Variants in RARB observed in about 807,000 individuals in gnomAD.
RARB encodes HBV-activated protein.
Under a neutral mutation model 51.9 loss-of-function variants are expected in RARB, and 17 were observed. The observed-to-expected ratio is 0.33, with a 90% CI of 0.22 to 0.49. RARB has a LOEUF of 0.49. Ranked by LOEUF, RARB falls within the 20% of genes least tolerant of loss-of-function variation. RARB has a pLI of 0.99. For synonymous variants in RARB, 215 were observed against 195.4 expected, an observed-to-expected ratio of 1.10 and a Z score of -0.84; for missense variants, 369 against 550.8, an observed-to-expected ratio of 0.67 and a Z score of 3.30.
intron 5 of RARB, among the ~76,000 whole-genome samples, chr3:25,327,953 A>G (rs2125443274): frequency 6.6e-6 from 1 of 152,376 alleles, no homozygotes; most frequent in Non-Finnish European, 1.5e-5. Context: ...GTGAGAAATA[A>G]AACAAAGTAC....
chr3:25,150,896 G>A (rs776737786), intron 4 of RARB, among the ~76,000 whole-genome samples: 15 of 152,176 alleles, frequency 9.9e-5, no homozygotes, highest in Non-Finnish European at 2.1e-4. Context: ...TGTACAAACT[G>A]AATATCCACT....
chr3:24,844,503 G>A (rs554924443), intron 1 of RARB, among the ~76,000 whole-genome samples: 3 of 152,222 alleles, frequency 2.0e-5, no homozygotes, highest in African/African-American at 4.8e-5. Flanking sequence ...GCTGGCATAC[G>A]ATGTGACTGC....
chr3:25,450,413 G>C (rs1215716715), intron 1 of RARB, among the ~76,000 whole-genome samples: 1 of 152,108 alleles, frequency 6.6e-6, no homozygotes, highest in South Asian at 2.1e-4. Context: ...TTTTTCTGAG[G>C]ATCAGGAAGG....
At chr3:25,343,680 A>G (rs1705300767) in intron 5 of RARB, among the ~76,000 whole-genome samples, 2 of 152,158 alleles carry the variant, frequency 1.3e-5, no homozygotes, top group Admixed American at 6.5e-5. Context: ...TGTATGTTGT[A>G]TCTTTCTAAG....
chr3:25,525,553 G>C (rs1010909173), intron 3 of RARB, among the ~76,000 whole-genome samples: 1 of 152,024 alleles, frequency 6.6e-6, no homozygotes, highest in Admixed American at 6.5e-5. Flanking sequence ...TTACTATGTA[G>C]ACTTTCAACA....
At chr3:24,917,803 A>T (rs1695137184) in intron 2 of RARB, among the ~76,000 whole-genome samples, 1 of 152,232 alleles carries the variant, frequency 6.6e-6, no homozygotes, top group Non-Finnish European at 1.5e-5. Context: ...CTGGGCTTAC[A>T]GGCGTGAGCC....
chr3:25,587,889 A>C (rs1701462581), intron 5 of RARB, among the ~76,000 whole-genome samples: 1 of 152,244 alleles, frequency 6.6e-6, no homozygotes. Context: ...TTTGCCTGAA[A>C]ACTGGGCAAC....
At chr3:25,066,313 G>T (rs1427995849) in intron 3 of RARB, among the ~76,000 whole-genome samples, 2 of 152,148 alleles carry the variant, frequency 1.3e-5, no homozygotes, top group Non-Finnish European at 2.9e-5. Flanking sequence ...GTACTCATCA[G>T]GAAAGATTGT....
intron 2 of RARB, among the ~76,000 whole-genome samples, chr3:25,498,437 G>T (rs1403957523): frequency 1.3e-5 from 2 of 152,144 alleles, no homozygotes; most frequent in Non-Finnish European, 2.9e-5. Flanking sequence ...ATACCTCATA[G>T]CATATATTTT....
upstream of RARB, among the ~76,000 whole-genome samples, chr3:25,424,843 G>A (rs1177173367): frequency 6.6e-6 from 1 of 152,188 alleles, no homozygotes; most frequent in East Asian, 1.9e-4. Flanking sequence ...GATTCATGGT[G>A]TTTCTTTCTG....
intron 2 of RARB, among the ~76,000 whole-genome samples, chr3:24,886,481 A>G (rs900583534): frequency 2.0e-5 from 3 of 147,282 alleles, no homozygotes; most frequent in East Asian, 2.0e-4. Context: ...ATCTTGCTCT[A>G]TCACCTGGGA....
At chr3:24,925,421 T>C (rs1695298022) in intron 2 of RARB, among the ~76,000 whole-genome samples, 1 of 151,862 alleles carries the variant, frequency 6.6e-6, no homozygotes, top group Non-Finnish European at 1.5e-5. Flanking sequence ...ATATGGAGGG[T>C]TGCATGAGCT....
At chr3:24,960,329 C>A (rs184230747) in intron 2 of RARB, among the ~76,000 whole-genome samples, 220 of 152,232 alleles carry the variant, frequency 1.4e-3, no homozygotes, top group African/African-American at 4.9e-3. Flanking sequence ...GTAAGTTATG[C>A]AGCACAGTGA....
intron 1 of RARB, among the ~76,000 whole-genome samples, chr3:24,838,607 C>T (rs989788964): frequency 4.6e-5 from 7 of 152,272 alleles, no homozygotes; most frequent in African/African-American, 9.6e-5. Context: ...TAAAGATAGC[C>T]ATGGTATTAA....
intron 3 of RARB, among the ~76,000 whole-genome samples, chr3:25,542,646 C>A (rs569477797): frequency 6.6e-6 from 1 of 152,356 alleles, no homozygotes; most frequent in East Asian, 1.9e-4. Flanking sequence ...AGCTTTGCAG[C>A]TGTGTGTGCA....
At chr3:24,972,972 A>G (rs1418763317) in intron 2 of RARB, among the ~76,000 whole-genome samples, 1 of 151,904 alleles carries the variant, frequency 6.6e-6, no homozygotes, top group Non-Finnish European at 1.5e-5. Flanking sequence ...GAACGTTTTT[A>G]GTTTGATCTA....
At chr3:25,023,805 C>T (rs901671886) in intron 2 of RARB, among the ~76,000 whole-genome samples, 11 of 152,082 alleles carry the variant, frequency 7.2e-5, no homozygotes, top group Non-Finnish European at 1.3e-4. Flanking sequence ...CAAATGACAA[C>T]ATAACAATCT....
At position 25,501,164 on chromosome 3, in the gene RARB, C is replaced by A. The variant is rs748333327; in HGVS notation, c.307-18C>A. ...CATTTGCTTTACTGAGTTTTTTCAT[C>A]TTCTTGCTTGCTTGCAGGGCTTTTT... On this transcript the variant is annotated intron_variant, in intron 2 of 7. Coordinates refer to ENST00000330688, the MANE Select transcript of RARB (RefSeq NM_000965.5). 3 of 1,556,574 alleles carry A rather than the reference C, an allele frequency of 1.9e-6. No homozygotes were observed. The East Asian group carries it at 7.1e-5, about 37-fold the overall frequency.
At chr3:25,512,517 C>T (rs1211128076) in intron 3 of RARB, among the ~76,000 whole-genome samples, 1 of 152,218 alleles carries the variant, frequency 6.6e-6, no homozygotes, top group Non-Finnish European at 1.5e-5. Flanking sequence ...ACACTGATCT[C>T]TTGTCATGTG....
Sources: allele counts gnomAD v4.1 joint callset (sites outside exome capture counted in the v4.1 genomes callset), GRCh38; gene constraint gnomAD v4.1.1; transcripts MANE v1.5; gene names NCBI Gene and HGNC (gene_info 2026-07-23, HGNC 2026-07-21).